CASZ1: variants seen among roughly 807,000 people sequenced by gnomAD.
CASZ1 encodes zinc finger protein castor homolog 1.
Under a neutral mutation model 135.2 loss-of-function variants are expected in CASZ1, and 28 were observed. That is an observed-to-expected ratio of 0.21 (90% CI 0.15 to 0.28). The LOEUF is 0.28. Among genes scored for constraint, CASZ1 ranks in the 10% least tolerant of loss-of-function variants. The pLI is 1.00. For synonymous variants in CASZ1, 1,068 were observed against 1,073.4 expected (o/e 0.99, Z 0.10); for missense variants, 2,161 against 2,453.3 (o/e 0.88, Z 2.52).
In CASZ1 at chr1:10,665,079, C is replaced by G; in HGVS notation, c.505+4G>C. 6.7e-7 allele frequency: 1 copy of G among 1,501,976 alleles called. No homozygotes were observed. Among genetic ancestry groups the G allele is most frequent in the Non-Finnish European group, 8.9e-7 (1 of 1,126,234 alleles). 93.0% of individuals were successfully genotyped at this position (1,501,976 alleles called of 1,614,324 possible). A position where few individuals can be genotyped will look rare whatever the true frequency, so the allele number is the denominator to read the frequency against. ...CAGCCTCCCTTCGAAGGCCAGGCAC[C>G]CACCTGAAGCCTGCCTGGTGCTGGG... On this transcript the variant is annotated splice_donor_region_variant and intron_variant, in intron 5 of 20. Coordinates refer to ENST00000377022, the MANE Select transcript of CASZ1 (RefSeq NM_001079843.3).
rs1320703516 is a variant in CASZ1, at chr1:10,722,995, G to T, written c.-76-17451C>A. 2.0e-5 allele frequency among the ~76,000 whole-genome samples: 3 copies of T among 152,266 alleles called. No individual in the cohort carries two copies. The South Asian group carries it at 6.2e-4, about 32-fold the overall frequency. ...GTGAGCCGGGTCTGCCACTGTCTGC[G>T]CTCACCTGATGTGCGCCCACGGCAG... On this transcript the variant is annotated intron_variant, in intron 2 of 20. Transcript: ENST00000377022.
chr1:10,788,974 T>G lies in CASZ1; in HGVS notation c.-234+7590A>C, dbSNP rs1205845448. Among the ~76,000 whole-genome samples the G allele has an allele frequency of 3.3e-5, 5 of 152,162 alleles. No homozygotes were observed. Among genetic ancestry groups the G allele is most frequent in the African/African-American group, 1.2e-4 (5 of 41,436 alleles). On this transcript the variant is annotated intron_variant, in intron 1 of 20. Coordinates refer to ENST00000377022, the MANE Select transcript of CASZ1 (RefSeq NM_001079843.3). The surrounding 1 kb of genome is among the most constrained non-coding windows in gnomAD (Gnocchi z 4.1). Reference sequence around the variant, plus strand: ...GCTCTAGCCACCACTCTGTCCCTCCTGCTTCTCACAGTGGCCACTGCAGGG... The same window carrying G: ...GCTCTAGCCACCACTCTGTCCCTCCGGCTTCTCACAGTGGCCACTGCAGGG...
At position 10,647,843 on chromosome 1, in the gene CASZ1, G is replaced by A. The variant is rs1448031362; in HGVS notation, c.3455C>T (p.Ala1152Val). 6.2e-7 allele frequency: 1 copy of A among 1,613,944 alleles called. No homozygotes were observed. Among genetic ancestry groups the A allele is most frequent in the Admixed American group, 1.7e-5 (1 of 60,032 alleles). The part of the protein sequence containing the change: ...SPLATTSLEN[A>V]KPQVKPGFLQ... ...GAATCCGGGTTTGACCTGGGGCTTG[G>A]CGTTCTCTAGAGAAGTCGTTGCCAA... Residue 1152 changes from alanine (A) to valine (V), a missense_variant, in exon 16 of 21, where the codon GCC (alanine) becomes GTC (valine). This residue lies in a region of CASZ1 where 349 missense variants were observed against 460.8 expected (regional missense o/e 0.76). Coordinates refer to ENST00000377022, the MANE Select transcript of CASZ1 (RefSeq NM_001079843.3). This position sits in a 1 kb window ranked among gnomAD's most constrained non-coding sequence, Gnocchi z 4.9.
intron 2 of CASZ1, among the ~76,000 whole-genome samples, chr1:10,712,861 G>A (rs1242020914): frequency 1.3e-5 from 2 of 152,184 alleles, no homozygotes; most frequent in African/African-American, 4.8e-5. Flanking sequence ...AACTTTTGCT[G>A]CCGCTCAGCA....
In CASZ1 at chr1:10,637,552, T is replaced by A. The variant is rs1211088468; in HGVS notation, c.*1390A>T. 1.3e-5 allele frequency: 2 copies of A among 152,280 alleles called. No individual in the cohort carries two copies. The highest frequency in any genetic ancestry group is 3.8e-4 in the East Asian group (2 of 5,198). The allele number at this position is 152,280 out of a possible 1,614,324, so 9.4% of individuals were successfully genotyped here. A position where few individuals can be genotyped will look rare whatever the true frequency, so the allele number is the denominator to read the frequency against. The stretch of plus-strand genomic sequence containing the variant: ...GCCTTCCATTCCCTCCTAGGCCTGT[T>A]CTCTCCCGGTGGCCCAATCTGACAC... On this transcript the variant is annotated 3_prime_UTR_variant, in exon 21 of 21. Coordinates refer to ENST00000377022, the MANE Select transcript of CASZ1 (RefSeq NM_001079843.3).
Position 10,650,934 on chromosome 1 carries a change from G to T in CASZ1, c.2816+7C>A. The T allele has an allele frequency of 6.2e-7, 1 of 1,605,774 alleles. No individual in the cohort carries two copies. On this transcript the variant is annotated splice_region_variant and intron_variant, in intron 12 of 20. Coordinates refer to ENST00000377022, the MANE Select transcript of CASZ1 (RefSeq NM_001079843.3). Reference sequence around the variant, plus strand: ...GGGGCTGGCTCCCATAGGGGGCCTCGCCTCACCTGGGCTCCTTCACAGTCA... The same window carrying T: ...GGGGCTGGCTCCCATAGGGGGCCTCTCCTCACCTGGGCTCCTTCACAGTCA...
At chr1:10,649,239 G>A (rs371275035) in intron 14 of CASZ1, 44 bp downstream of exon 14, 111 of 1,607,892 alleles carry the variant, frequency 6.9e-5, no homozygotes, top group Admixed American at 8.4e-5. Flanking sequence ...GCTCCAGGGC[G>A]GGTGCGGGGG....
rs977455641 is a variant in CASZ1 at position 10,717,726 on chromosome 1, G to C, written c.-76-12182C>G. Among the ~76,000 whole-genome samples the C allele has an allele frequency of 2.0e-5, 3 of 152,130 alleles. No homozygotes were observed. Among genetic ancestry groups the C allele is most frequent in the Admixed American group, 6.5e-5 (1 of 15,280 alleles). ...CCCCCAACTGATGTCAGAGCTGCCG[G>C]CACCCTGAACTCGGTCCCAGGGCGT... On this transcript the variant is annotated intron_variant, in intron 2 of 20. Transcript: ENST00000377022. This position sits in a 1 kb window ranked among gnomAD's most constrained non-coding sequence, Gnocchi z 4.6.
chr1:10,638,892 G>C lies in CASZ1; in HGVS notation c.*50C>G. On this transcript the variant is annotated 3_prime_UTR_variant, in exon 21 of 21. Coordinates refer to ENST00000377022, the MANE Select transcript of CASZ1 (RefSeq NM_001079843.3). This position sits in a 1 kb window ranked among gnomAD's most constrained non-coding sequence, Gnocchi z 5.9. ...GGGCCGCTTCGCGCGGGGCGGCGCC[G>C]CTCCCGAGGCCGAGGCCGAGGCCGC... The C allele has an allele frequency of 1.0e-6, 1 of 980,718 alleles. No individual in the cohort carries two copies. Among genetic ancestry groups the C allele is most frequent in the Non-Finnish European group, 1.2e-6 (1 of 828,372 alleles). 60.8% of individuals were successfully genotyped at this position (980,718 alleles called of 1,614,324 possible). A position where few individuals can be genotyped will look rare whatever the true frequency, so the allele number is the denominator to read the frequency against.
At chr1:10,645,743 A>G (rs973904433) in intron 17 of CASZ1, among the ~76,000 whole-genome samples, 1 of 152,186 alleles carries the variant, frequency 6.6e-6, no homozygotes, top group African/African-American at 2.4e-5. Context: ...CTTGGGAGTC[A>G]GGCCTTTAAG....
In CASZ1 at chr1:10,709,299, C is replaced by T. The variant is rs1475926734; in HGVS notation, c.-76-3755G>A. Among the ~76,000 whole-genome samples, 7 of 152,202 alleles carry T rather than the reference C, an allele frequency of 4.6e-5. No homozygotes were observed. The highest frequency in any genetic ancestry group is 2.0e-4 in the Admixed American group (3 of 15,286). On this transcript the variant is annotated intron_variant, in intron 2 of 20. Transcript: ENST00000377022. The surrounding 1 kb of genome is among the most constrained non-coding windows in gnomAD (Gnocchi z 5.1). Reference sequence around the variant, plus strand: ...CCCGCACTCCACTGCGTCTCCTTCCCCCTGCCCCCAGCCCCATCCTCACGC... The same window carrying T: ...CCCGCACTCCACTGCGTCTCCTTCCTCCTGCCCCCAGCCCCATCCTCACGC...
chr1:10,760,298 G>A (rs563686294), intron 2 of CASZ1, among the ~76,000 whole-genome samples: 2 of 152,228 alleles, frequency 1.3e-5, no homozygotes, highest in Non-Finnish European at 2.9e-5. Context: ...CCAACCTAAT[G>A]CTTAGATCTG....
intron 1 of CASZ1, among the ~76,000 whole-genome samples, chr1:10,766,960 G>A (rs1011040962): frequency 6.6e-6 from 1 of 152,288 alleles, no homozygotes; most frequent in African/African-American, 2.4e-5. Context: ...GGTGGGTGGG[G>A]AGAAAGCGAG....
Position 10,655,631 on chromosome 1 carries a change from C to T in CASZ1, c.1665+18G>A, listed in dbSNP as rs1328340705. 6.2e-7 allele frequency: 1 copy of T among 1,602,362 alleles called. No individual in the cohort carries two copies. The highest frequency in any genetic ancestry group is 1.1e-5 in the South Asian group (1 of 89,964). ...GCCAGTCCTGCAGCTGCCCAGTGGG[C>T]CCGGGTGCGGGAGGCACCTGCATGC... is the stretch of plus-strand genomic sequence containing the variant. On this transcript the variant is annotated intron_variant, in intron 9 of 20. Transcript: ENST00000377022.
chr1:10,712,782 G>C (rs1210638653), intron 2 of CASZ1, among the ~76,000 whole-genome samples: 2 of 152,230 alleles, frequency 1.3e-5, no homozygotes, highest in Non-Finnish European at 2.9e-5. Flanking sequence ...CACACACACA[G>C]CGCTTCTCCT....
chr1:10,661,667 C>T (rs1269941721), intron 5 of CASZ1, among the ~76,000 whole-genome samples: 2 of 151,046 alleles, frequency 1.3e-5, no homozygotes, highest in Non-Finnish European at 2.9e-5. Context: ...CACATTCACA[C>T]GATCACATAC....
chr1:10,794,211 G>C lies in CASZ1; in HGVS notation c.-234+2353C>G, dbSNP rs1227238086. On this transcript the variant is annotated intron_variant, in intron 1 of 20. Transcript: ENST00000377022. The surrounding 1 kb of genome is among the most constrained non-coding windows in gnomAD (Gnocchi z 5.6). ...TGTGTGTGTGTGTGCGCGCGCGCGC[G>C]CGTCGTGGGTTGGGCGGGGGGACAC... 6.6e-6 allele frequency among the ~76,000 whole-genome samples: 1 copy of C among 151,978 alleles called. No homozygotes were observed. Among genetic ancestry groups the C allele is most frequent in the Non-Finnish European group, 1.5e-5 (1 of 67,954 alleles).
intron 2 of CASZ1, among the ~76,000 whole-genome samples, chr1:10,723,591 T>C (rs1329024800): frequency 6.6e-6 from 1 of 152,176 alleles, no homozygotes; most frequent in Non-Finnish European, 1.5e-5. Context: ...TTAGGCCAGC[T>C]TCCTGGCACT....
In CASZ1 at chr1:10,636,852, ATATATC is replaced by A. The variant is rs1328880787; in HGVS notation, c.*2084_*2089del. On this transcript the variant is annotated 3_prime_UTR_variant, in exon 21 of 21. Transcript: ENST00000377022. ...TCTCAAAACCTCTCTATATATCTCT[ATATATC>A]TATATATGTATATACATATAGATAT... The A allele has an allele frequency of 6.6e-6, 1 of 151,998 alleles. No individual in the cohort carries two copies. Among genetic ancestry groups the A allele is most frequent in the African/African-American group, 2.4e-5 (1 of 41,422 alleles). The allele number at this position is 151,998 out of a possible 1,614,324, so 9.4% of individuals were successfully genotyped here.
Sources: gnomAD v4.1 joint callset for allele counts (sites outside exome capture counted in the v4.1 genomes callset) on GRCh38, gnomAD v4.1.1 for gene constraint, gnomAD v4.1.1 regional missense constraint, Gnocchi (gnomAD v3.1) non-coding constraint, MANE v1.5 for transcripts, NCBI Gene and HGNC (gene_info 2026-07-23, HGNC 2026-07-21) for gene names.